STIM2: variants seen among roughly 807,000 people sequenced by gnomAD.
STIM2 encodes the protein stromal interaction molecule 2.
STIM2 carries 31 observed loss-of-function variants against 85.8 expected under a neutral mutation model. The ratio of observed to expected loss-of-function variants is 0.36; its 90% CI spans 0.27 to 0.49. The LOEUF is 0.49. Among genes scored for constraint, STIM2 ranks in the 20% least tolerant of loss-of-function variants. STIM2 has a pLI of 0.98. For missense variants in STIM2, 841 were observed against 927.6 expected (o/e 0.91, Z 1.21); for synonymous variants, 356 against 331.1 (o/e 1.08, Z -0.82).
At chr4:26,913,309 G>A (rs1221376112) in intron 1 of STIM2, among the ~76,000 whole-genome samples, 1 of 151,694 alleles carries the variant, frequency 6.6e-6, no homozygotes, top group South Asian at 2.1e-4. Flanking sequence ...ACTATGTATA[G>A]TAACTATACA....
intron 10 of STIM2, 45 bp from the exon 11 acceptor site, chr4:27,017,666 G>C (rs1728772479): frequency 6.2e-7 from 1 of 1,606,516 alleles, no homozygotes; most frequent in Non-Finnish European, 8.5e-7. Flanking sequence ...ACTGTAAAGG[G>C]AACCCTGGAC....
intron 3 of STIM2, among the ~76,000 whole-genome samples, chr4:26,961,222 C>T (rs10010014): frequency 1.3e-5 from 2 of 152,046 alleles, no homozygotes; most frequent in African/African-American, 4.8e-5. Context: ...ACAAGCATTT[C>T]CAAGACAGAG....
intron 2 of STIM2, among the ~76,000 whole-genome samples, chr4:26,923,296 G>A (rs1342913595): frequency 6.6e-6 from 1 of 151,570 alleles, no homozygotes; most frequent in Non-Finnish European, 1.5e-5. Flanking sequence ...CAGAAAAACT[G>A]GAAACTCTAA....
chr4:26,896,600 A>G (rs528890978), intron 1 of STIM2, among the ~76,000 whole-genome samples: 10 of 152,322 alleles, frequency 6.6e-5, no homozygotes, highest in Admixed American at 6.5e-4. Context: ...TTATGTGTAC[A>G]TTGTAATATT....
chr4:26,868,687 C>CT (rs1253588767), intron 1 of STIM2, among the ~76,000 whole-genome samples: 2 of 151,698 alleles, frequency 1.3e-5, no homozygotes, highest in Non-Finnish European at 2.9e-5. Flanking sequence ...TCTTTTTTTT[C>CT]TTTTTTAAAA....
intron 10 of STIM2, among the ~76,000 whole-genome samples, chr4:27,009,791 TG>T (rs373617977): frequency 1.1e-4 from 16 of 152,206 alleles, no homozygotes; most frequent in African/African-American, 3.4e-4. Context: ...ATTCTCAGTT[TG>T]TATTTGTTTA....
chr4:26,957,414 G>A (rs770930473), intron 2 of STIM2, among the ~76,000 whole-genome samples, 198 bp from the exon 3 acceptor site: 9 of 152,032 alleles, frequency 5.9e-5, no homozygotes, highest in African/African-American at 1.2e-4. Context: ...GGTGGTGGTG[G>A]CGTTACGATT....
chr4:26,953,775 C>G (rs1726143142), intron 2 of STIM2, among the ~76,000 whole-genome samples: 1 of 152,014 alleles, frequency 6.6e-6, no homozygotes, highest in Non-Finnish European at 1.5e-5. Flanking sequence ...CCTCTGTTTG[C>G]CTTACCACCT....
intron 2 of STIM2, among the ~76,000 whole-genome samples, chr4:26,954,079 G>A (rs1019232200): frequency 1.3e-5 from 2 of 152,128 alleles, no homozygotes; most frequent in African/African-American, 4.8e-5. Context: ...AAAGGGTATG[G>A]CCTGAATACA....
rs779075717 is a variant in STIM2 at position 27,002,229 on chromosome 4, A to G, written c.638A>G (p.Asn213Ser). 2.5e-6 allele frequency: 4 copies of G among 1,608,738 alleles called. No homozygotes were observed. Among genetic ancestry groups the G allele is most frequent in the Non-Finnish European group, 3.4e-6 (4 of 1,178,440 alleles). ...ATTCTTTTAATAGGCCCACCTCATAACTGGATGAAAGATTTTATCCTCACA... is the reference window on the plus strand; with the variant it reads ...ATTCTTTTAATAGGCCCACCTCATAGCTGGATGAAAGATTTTATCCTCACA... The change falls in exon 6 of 12, where the codon AAC becomes AGC. Residue 213 changes from asparagine (N) to serine (S), a missense_variant. Asn to Ser is a conservative substitution (Grantham distance 46). This residue lies in a region of STIM2 where 408 missense variants were observed against 525.4 expected (regional missense o/e 0.78). Coordinates refer to ENST00000467087, the MANE Select transcript of STIM2 (RefSeq NM_020860.4).
At chr4:26,961,381 G>A (rs565031371) in intron 3 of STIM2, among the ~76,000 whole-genome samples, 1 of 152,308 alleles carries the variant, frequency 6.6e-6, no homozygotes, top group Admixed American at 6.5e-5. Context: ...AGTCACATGT[G>A]AAATGATGTG....
intron 1 of STIM2, among the ~76,000 whole-genome samples, chr4:26,902,113 C>T (rs968414913): frequency 6.6e-6 from 1 of 151,996 alleles, no homozygotes; most frequent in Non-Finnish European, 1.5e-5. Context: ...TGACCAGATT[C>T]ATATTCTGAA....
rs1722147794 is a variant in STIM2 at position 26,860,979 on chromosome 4, G to A, written c.-240G>A. 1 of 1,279,712 alleles carries A rather than the reference G, an allele frequency of 7.8e-7. No homozygotes were observed. Among genetic ancestry groups the A allele is most frequent in the Non-Finnish European group, 1.0e-6 (1 of 1,002,634 alleles). 79.3% of individuals were successfully genotyped at this position (1,279,712 alleles called of 1,614,324 possible). A position where few individuals can be genotyped will look rare whatever the true frequency, so the allele number is the denominator to read the frequency against. On this transcript the variant is annotated 5_prime_UTR_variant, in exon 1 of 12. Coordinates refer to ENST00000467087, the MANE Select transcript of STIM2 (RefSeq NM_020860.4). ...ACCAATGAACGCAGCCGGGATCAGA[G>A]CTCCGGAGGCCGCCGGTGCCGATGG...
At chr4:26,906,827 CATG>C (rs1724144564) in intron 1 of STIM2, among the ~76,000 whole-genome samples, 1 of 152,016 alleles carries the variant, frequency 6.6e-6, no homozygotes, top group Non-Finnish European at 1.5e-5. Flanking sequence ...ATTAGATAGG[CATG>C]GTGGTGGGCA....
intron 2 of STIM2, among the ~76,000 whole-genome samples, chr4:26,952,149 C>T (rs1015539345): frequency 2.0e-5 from 3 of 152,032 alleles, no homozygotes; most frequent in Non-Finnish European, 4.4e-5. Context: ...TATGGGAGTA[C>T]AATTCAAGAT....
chr4:26,995,182 T>C (rs1334168309), intron 3 of STIM2, among the ~76,000 whole-genome samples, 197 bp from the exon 4 acceptor site: 1 of 152,178 alleles, frequency 6.6e-6, no homozygotes, highest in Admixed American at 6.5e-5. Flanking sequence ...ATCTTTGTCC[T>C]AATTGCTTTT....
intron 1 of STIM2, among the ~76,000 whole-genome samples, chr4:26,918,024 A>G (rs1404251575): frequency 6.6e-6 from 1 of 152,128 alleles, no homozygotes; most frequent in Non-Finnish European, 1.5e-5. Flanking sequence ...GGCGTTCCAA[A>G]TATTTGTATG....
intron 3 of STIM2, among the ~76,000 whole-genome samples, chr4:26,976,166 G>T (rs549734722): frequency 6.6e-6 from 1 of 152,196 alleles, no homozygotes; most frequent in East Asian, 1.9e-4. Flanking sequence ...GCTTCCCTTG[G>T]CTAGGAAAGG....
intron 2 of STIM2, among the ~76,000 whole-genome samples, chr4:26,934,434 A>G (rs1725322500): frequency 6.6e-6 from 1 of 152,224 alleles, no homozygotes; most frequent in Non-Finnish European, 1.5e-5. Flanking sequence ...GAATTTCTCA[A>G]GAAAGCAAGT....
Sources: gnomAD v4.1 joint callset for allele counts (sites outside exome capture counted in the v4.1 genomes callset) on GRCh38, gnomAD v4.1.1 for gene constraint, gnomAD v4.1.1 regional missense constraint, MANE v1.5 for transcripts, NCBI Gene and HGNC (gene_info 2026-07-23, HGNC 2026-07-21) for gene names.